Variants in DLGAP3 observed in about 807,000 individuals in gnomAD.
The protein encoded by DLGAP3 is DLG associated protein 3.
DLGAP3 carries 17 observed loss-of-function variants against 81.2 expected under a neutral mutation model. The ratio of observed to expected loss-of-function variants is 0.21; its 90% CI spans 0.14 to 0.31. The LOEUF (loss-of-function observed/expected upper bound fraction) is 0.31, where lower values mean the gene tolerates loss of function less well. DLGAP3 is among the 10% of genes least tolerant of loss of function. The probability of loss-of-function intolerance (pLI) is 1.00; values close to 1 mark genes in which losing one functional copy is unlikely to be tolerated. For synonymous variants in DLGAP3, 577 were observed against 587.4 expected (o/e 0.98, Z 0.26); for missense variants, 1,124 against 1,388.0 (o/e 0.81, Z 3.02).
At chr1:34,911,459 C>T (rs547002567) in intron 1 of DLGAP3, among the ~76,000 whole-genome samples, 1 of 152,282 alleles carries the variant, frequency 6.6e-6, no homozygotes, top group South Asian at 2.1e-4. Context: ...TGCACCAAAT[C>T]ATCCATCCAC....
At position 34,906,016 on chromosome 1, in the gene DLGAP3, T is replaced by TTTTATATATATATATATATATA. The variant is rs60469155; in HGVS notation, c.-51-583_-51-582insTATATATATATATATATATAAA. On this transcript the variant is annotated intron_variant, in intron 2 of 11. Coordinates refer to ENST00000373347, the MANE Select transcript of DLGAP3 (RefSeq NM_001080418.3). ...ACAGAGCGAGACCTGGCCTCTAAAT[T>TTTTATATATATATATATATATA]TATATATATATATATATTTGTTTGT... Among the ~76,000 whole-genome samples the TTTTATATATATATATATATATA allele has an allele frequency of 9.3e-4, 60 of 64,808 alleles. 5 individuals are homozygous for TTTTATATATATATATATATATA. The highest frequency in any genetic ancestry group is 2.3e-3 in the African/African-American group (49 of 21,624). 42.5% of individuals were successfully genotyped at this position (64,808 alleles called of 152,430 possible).
At chr1:34,914,165 C>A (rs1639683040) in intron 1 of DLGAP3, among the ~76,000 whole-genome samples, 1 of 152,130 alleles carries the variant, frequency 6.6e-6, no homozygotes, top group African/African-American at 2.4e-5. Context: ...GGGCCATGTA[C>A]CCAACAGGCA....
chr1:34,880,096 C>T lies in DLGAP3; in HGVS notation c.2000+4882G>A, dbSNP rs554601527. Among the ~76,000 whole-genome samples, 102 of 152,222 alleles carry T rather than the reference C, an allele frequency of 6.7e-4. 1 individual carries two copies. In the South Asian group the frequency reaches 9.3e-3, roughly 14 times the overall value. On this transcript the variant is annotated intron_variant, in intron 8 of 11. Transcript: ENST00000373347. ...ACACAAGGTCTCAGAGTCTCAGAGACAGGCTGAAGTACAGTGGTGTGATCA... is the reference window on the plus strand; with the variant it reads ...ACACAAGGTCTCAGAGTCTCAGAGATAGGCTGAAGTACAGTGGTGTGATCA...
At chr1:34,919,279 T>C (rs994774813) in intron 1 of DLGAP3, among the ~76,000 whole-genome samples, 3 of 152,148 alleles carry the variant, frequency 2.0e-5, no homozygotes, top group Non-Finnish European at 4.4e-5. Context: ...ACCACTCCCC[T>C]CCACCAGAGG....
intron 8 of DLGAP3, among the ~76,000 whole-genome samples, chr1:34,880,500 G>A (rs1639128439): frequency 6.6e-6 from 1 of 152,170 alleles, no homozygotes. Flanking sequence ...GGAGGCTGAG[G>A]CGGGCGGATC....
At chr1:34,923,469 C>A (rs966167075) in intron 1 of DLGAP3, among the ~76,000 whole-genome samples, 4 of 152,082 alleles carry the variant, frequency 2.6e-5, no homozygotes, top group African/African-American at 9.7e-5. Context: ...CTGCAGACAC[C>A]TCCTGGCAAG....
chr1:34,907,218 T>G (rs1043957164), intron 2 of DLGAP3, 137 bp downstream of exon 2: 1 of 152,582 alleles, frequency 6.6e-6, no homozygotes, highest in Non-Finnish European at 1.5e-5. Flanking sequence ...CACTTACCCA[T>G]GAGAAAATTG....
At chr1:34,882,245 G>A (rs1569610787) in intron 8 of DLGAP3, among the ~76,000 whole-genome samples, 1 of 152,176 alleles carries the variant, frequency 6.6e-6, no homozygotes, top group African/African-American at 2.4e-5. Context: ...GGGAGGCCGA[G>A]GCGGGCTGAT....
In DLGAP3 at chr1:34,900,450, C is replaced by A. The variant is rs1205367557; in HGVS notation, c.1108-177G>T. On this transcript the variant is annotated intron_variant, in intron 3 of 11. Transcript: ENST00000373347. The surrounding 1 kb of genome is among the most constrained non-coding windows in gnomAD (Gnocchi z 5.6). Reference sequence around the variant, plus strand: ...GGCTGTCCCCGTCCCTTACAAGAGACACCTCGTCATCCTCCACAGACCTTC... The same window carrying A: ...GGCTGTCCCCGTCCCTTACAAGAGAAACCTCGTCATCCTCCACAGACCTTC... Among the ~76,000 whole-genome samples the A allele has an allele frequency of 6.6e-6, 1 of 152,242 alleles. No individual in the cohort carries two copies. The highest frequency in any genetic ancestry group is 1.5e-5 in the Non-Finnish European group (1 of 68,050).
At chr1:34,871,778 CCCATTCCATCGCGATGGAAACAG>C (rs1638983902) in intron 8 of DLGAP3, among the ~76,000 whole-genome samples, 1 of 152,170 alleles carries the variant, frequency 6.6e-6, no homozygotes, top group African/African-American at 2.4e-5. Context: ...TTGAGAGGAT[CCCATTCCATCGCGATGGAAACAG>C]CCATACTGCC....
At chr1:34,915,471 C>T (rs940826006) in intron 1 of DLGAP3, among the ~76,000 whole-genome samples, 4 of 152,192 alleles carry the variant, frequency 2.6e-5, no homozygotes, top group Admixed American at 2.6e-4. Context: ...ATACCAATGA[C>T]CTTTCTTACT....
chr1:34,867,753 G>A lies in DLGAP3; in HGVS notation c.2486-126C>T. On this transcript the variant is annotated intron_variant, in intron 9 of 11. Coordinates refer to ENST00000373347, the MANE Select transcript of DLGAP3 (RefSeq NM_001080418.3). The surrounding 1 kb of genome is among the most constrained non-coding windows in gnomAD (Gnocchi z 4.3). The stretch of plus-strand genomic sequence containing the variant: ...ACTGTGTATCCATCAGTCTCCTCCA[G>A]CCCCAGCCCCATCCCATCCTCAAGT... 2 of 765,026 alleles carry A rather than the reference G, an allele frequency of 2.6e-6. No homozygotes were observed. Among genetic ancestry groups the A allele is most frequent in the Non-Finnish European group, 4.6e-6 (2 of 435,118 alleles). The allele number at this position is 765,026 out of a possible 1,614,324, so 47.4% of individuals were successfully genotyped here.
intron 8 of DLGAP3, among the ~76,000 whole-genome samples, chr1:34,879,562 G>T (rs1639114457): frequency 6.6e-6 from 1 of 152,162 alleles, no homozygotes; most frequent in Non-Finnish European, 1.5e-5. Context: ...TACATATGAT[G>T]AAGGAGGTCT....
At chr1:34,925,486 G>C (rs1639859485) in intron 1 of DLGAP3, 1 of 152,550 alleles carries the variant, frequency 6.6e-6, no homozygotes, top group African/African-American at 2.4e-5. Flanking sequence ...ATCTGGACTG[G>C]GGGGAGGAGA....
intron 1 of DLGAP3, among the ~76,000 whole-genome samples, chr1:34,913,304 T>C (rs556179894): frequency 6.6e-6 from 1 of 152,276 alleles, no homozygotes; most frequent in South Asian, 2.1e-4. Context: ...TCTAAATCCA[T>C]CTCCTGACCC....
intron 1 of DLGAP3, among the ~76,000 whole-genome samples, chr1:34,908,962 T>C (rs1036422550): frequency 1.3e-5 from 2 of 152,232 alleles, no homozygotes; most frequent in African/African-American, 4.8e-5. Flanking sequence ...TGGAAGCATC[T>C]CTCTGCCTTG....
intron 7 of DLGAP3, 109 bp from the exon 8 acceptor site, chr1:34,885,172 A>G: frequency 9.2e-7 from 1 of 1,084,126 alleles, no homozygotes; most frequent in Non-Finnish European, 1.4e-6. Context: ...CAGGTCCTGC[A>G]AAGACCATCT....
chr1:34,866,075 C>T lies in DLGAP3; in HGVS notation c.*8G>A, dbSNP rs775857248. On this transcript the variant is annotated 3_prime_UTR_variant, in exon 12 of 12. Transcript: ENST00000373347. ...CGGGCCCGGGCCGGGCTGGGCGGGC[C>T]GGACCGGTCACAGCCTGGTCTGGGC... is the stretch of plus-strand genomic sequence containing the variant. 5 of 1,592,378 alleles carry T rather than the reference C, an allele frequency of 3.1e-6. No homozygotes were observed. The highest frequency in any genetic ancestry group is 2.7e-5 in the African/African-American group (2 of 74,548).
chr1:34,866,664 C>T (rs1638885191), intron 11 of DLGAP3, among the ~76,000 whole-genome samples: 1 of 152,218 alleles, frequency 6.6e-6, no homozygotes, highest in Non-Finnish European at 1.5e-5. Flanking sequence ...CAGACAAGGT[C>T]CAGGGACCTG....
Sources: gnomAD v4.1 joint callset for allele counts (sites outside exome capture counted in the v4.1 genomes callset) on GRCh38, gnomAD v4.1.1 for gene constraint, Gnocchi (gnomAD v3.1) non-coding constraint, MANE v1.5 for transcripts, NCBI Gene and HGNC (gene_info 2026-07-23, HGNC 2026-07-21) for gene names.